Variants in TAFA1 observed in about 807,000 individuals in gnomAD.
The protein encoded by TAFA1 is chemokine-like protein TAFA-1.
Under a neutral mutation model 18.5 loss-of-function variants are expected in TAFA1, and 4 were observed. The observed-to-expected ratio is 0.22, with a 90% CI of 0.11 to 0.49. The LOEUF (loss-of-function observed/expected upper bound fraction) is 0.49, where lower values mean the gene tolerates loss of function less well. Among genes scored for constraint, TAFA1 ranks in the 20% least tolerant of loss-of-function variants. The pLI is 0.98. For synonymous variants in TAFA1, 56 were observed against 55.2 expected, an observed-to-expected ratio of 1.01 and a Z score of -0.06; for missense variants, 147 against 169.0, an observed-to-expected ratio of 0.87 and a Z score of 0.72.
chr3:67,999,287 C>CTCTGTGTGTGTGTG (rs1297823499), upstream of TAFA1, among the ~76,000 whole-genome samples: 12 of 147,768 alleles, frequency 8.1e-5, 1 homozygote, highest in African/African-American at 2.3e-4. Context: ...CCCCCTCTCT[C>CTCTGTGTGTGTGTG]TGTGTGTGTG....
chr3:68,028,662 A>G (rs1469510558), intron 2 of TAFA1, among the ~76,000 whole-genome samples: 3 of 152,008 alleles, frequency 2.0e-5, no homozygotes, highest in Non-Finnish European at 4.4e-5. Flanking sequence ...TGTGGCTGCC[A>G]TATCACTCCA....
At chr3:68,202,479 T>A (rs1456858245) in intron 2 of TAFA1, among the ~76,000 whole-genome samples, 1 of 151,816 alleles carries the variant, frequency 6.6e-6, no homozygotes, top group Non-Finnish European at 1.5e-5. Flanking sequence ...TAATGATACA[T>A]ATTTTATAAT....
At chr3:68,273,825 C>T (rs988141202) in intron 2 of TAFA1, among the ~76,000 whole-genome samples, 1 of 152,146 alleles carries the variant, frequency 6.6e-6, no homozygotes, top group Non-Finnish European at 1.5e-5. Flanking sequence ...GTGACTGACA[C>T]CAAATTCCTT....
intron 3 of TAFA1, among the ~76,000 whole-genome samples, chr3:68,425,725 A>C (rs17047692): frequency 1.3e-5 from 2 of 151,834 alleles, no homozygotes; most frequent in African/African-American, 2.4e-5. Context: ...ATATGTATCT[A>C]TCTAATAGCA....
chr3:68,148,761 G>A (rs927186729), intron 2 of TAFA1, among the ~76,000 whole-genome samples: 2 of 152,054 alleles, frequency 1.3e-5, no homozygotes, highest in African/African-American at 4.8e-5. Flanking sequence ...CAGAGCTAAG[G>A]GTTATCCCCC....
intron 2 of TAFA1, among the ~76,000 whole-genome samples, chr3:68,202,807 T>C (rs2066483413): frequency 6.6e-6 from 1 of 151,738 alleles, no homozygotes. Flanking sequence ...TGATATGTTG[T>C]TACTTTTATT....
At chr3:68,519,692 T>TTGTATAC (rs1181434240) in intron 3 of TAFA1, among the ~76,000 whole-genome samples, 2 of 152,124 alleles carry the variant, frequency 1.3e-5, no homozygotes, top group Admixed American at 6.6e-5. Context: ...CTCTTCTGGG[T>TTGTATAC]TGTATACTCT....
intron 2 of TAFA1, among the ~76,000 whole-genome samples, chr3:68,406,959 G>A (rs1444696131): frequency 5.9e-5 from 9 of 152,144 alleles, no homozygotes; most frequent in Non-Finnish European, 1.2e-4. Flanking sequence ...CATATCCAAC[G>A]TATAAGCCAT....
intron 3 of TAFA1, among the ~76,000 whole-genome samples, chr3:68,513,159 A>C (rs557349988): frequency 6.6e-6 from 1 of 152,162 alleles, no homozygotes; most frequent in Non-Finnish European, 1.5e-5. Context: ...AGGTGCCTCC[A>C]GAGTGGTGAA....
intron 2 of TAFA1, among the ~76,000 whole-genome samples, chr3:68,381,720 G>T (rs2069961223): frequency 6.6e-6 from 1 of 152,118 alleles, no homozygotes; most frequent in South Asian, 2.1e-4. Flanking sequence ...CTGCAAACAG[G>T]GACAATTTGA....
At chr3:68,266,112 A>G (rs2067540371) in intron 2 of TAFA1, among the ~76,000 whole-genome samples, 1 of 152,152 alleles carries the variant, frequency 6.6e-6, no homozygotes, top group Non-Finnish European at 1.5e-5. Context: ...AGCACCCGTG[A>G]TAAGTATACT....
intron 2 of TAFA1, among the ~76,000 whole-genome samples, chr3:68,408,142 A>ATAAT (rs1228232422): frequency 6.6e-6 from 1 of 152,186 alleles, no homozygotes; most frequent in Non-Finnish European, 1.5e-5. Context: ...TACATATTAC[A>ATAAT]GCTTTTAAAG....
intron 2 of TAFA1, among the ~76,000 whole-genome samples, chr3:68,050,368 GTT>G (rs1043094844): frequency 3.3e-5 from 5 of 152,120 alleles, no homozygotes; most frequent in African/African-American, 1.2e-4. Flanking sequence ...CTTGTCCTGT[GTT>G]TGCATCCAAT....
intron 3 of TAFA1, among the ~76,000 whole-genome samples, chr3:68,440,181 G>A (rs2071348301): frequency 6.6e-6 from 1 of 152,102 alleles, no homozygotes; most frequent in African/African-American, 2.4e-5. Context: ...TCTCAAAAGA[G>A]CTGATGGCTT....
intron 2 of TAFA1, among the ~76,000 whole-genome samples, chr3:68,156,189 T>C (rs1464014882): frequency 1.3e-5 from 2 of 152,124 alleles, no homozygotes; most frequent in Non-Finnish European, 2.9e-5. Context: ...GGGAAGAGGA[T>C]CCAGCATCCC....
At chr3:68,157,909 T>A (rs1350054343) in intron 2 of TAFA1, among the ~76,000 whole-genome samples, 1 of 152,216 alleles carries the variant, frequency 6.6e-6, no homozygotes, top group Non-Finnish European at 1.5e-5. Flanking sequence ...TTTTTTGGCT[T>A]ATGAGGAAAA....
chr3:68,154,370 T>C (rs1168523192), intron 2 of TAFA1, among the ~76,000 whole-genome samples: 2 of 152,166 alleles, frequency 1.3e-5, no homozygotes, highest in Non-Finnish European at 2.9e-5. Flanking sequence ...AACTGATAAA[T>C]GTAATTTCCC....
chr3:68,507,434 A>G (rs1321623531), intron 3 of TAFA1, among the ~76,000 whole-genome samples: 2 of 152,054 alleles, frequency 1.3e-5, no homozygotes, highest in Non-Finnish European at 1.5e-5. Flanking sequence ...ATTATATAAC[A>G]TGATTACCAG....
chr3:68,308,691 T>C (rs2068464056), intron 2 of TAFA1, among the ~76,000 whole-genome samples: 1 of 152,090 alleles, frequency 6.6e-6, no homozygotes, highest in Admixed American at 6.5e-5. Context: ...ATCAAATGAT[T>C]TCATCAGGAA....
Sources: allele counts gnomAD v4.1 joint callset (sites outside exome capture counted in the v4.1 genomes callset), GRCh38; gene constraint gnomAD v4.1.1; transcripts MANE v1.5; gene names NCBI Gene and HGNC (gene_info 2026-07-23, HGNC 2026-07-21).